Variants in FOCAD observed in about 807,000 individuals in gnomAD.
FOCAD encodes KIAA1797.
FOCAD carries 198 observed loss-of-function variants against 225.6 expected under a neutral mutation model. The ratio of observed to expected loss-of-function variants is 0.88; its 90% CI spans 0.78 to 0.99. The LOEUF (loss-of-function observed/expected upper bound fraction) is 0.99. Among genes scored for constraint, FOCAD ranks in the 50% least tolerant of loss-of-function variants. The pLI, the probability that FOCAD is intolerant of heterozygous loss-of-function variation, is 0.00. For missense variants in FOCAD, 2,713 were observed against 2,123.6 expected, an observed-to-expected ratio of 1.28 and a Z score of -5.46; for synonymous variants, 897 against 755.0, an observed-to-expected ratio of 1.19 and a Z score of -3.08.
At chr9:20,713,679 A>G (rs565576895) in intron 1 of FOCAD, among the ~76,000 whole-genome samples, 1 of 152,364 alleles carries the variant, frequency 6.6e-6, no homozygotes, top group African/African-American at 2.4e-5. Context: ...TGTGCTGGAC[A>G]CACAATAGGC....
intron 4 of FOCAD, among the ~76,000 whole-genome samples, chr9:20,727,712 G>C (rs988321486): frequency 1.3e-5 from 2 of 152,126 alleles, no homozygotes; most frequent in Admixed American, 1.3e-4. Flanking sequence ...CTTGTTTGCT[G>C]ATGACTTACT....
At chr9:20,959,773 C>T (rs1441978875) in intron 35 of FOCAD, among the ~76,000 whole-genome samples, 6 of 152,124 alleles carry the variant, frequency 3.9e-5, no homozygotes, top group Non-Finnish European at 5.9e-5. Flanking sequence ...TTCCTAGCAT[C>T]ATATATTGAA....
intron 34 of FOCAD, 46 bp downstream of exon 34, chr9:20,951,144 C>A: frequency 7.0e-7 from 1 of 1,422,602 alleles, no homozygotes; most frequent in Non-Finnish European, 9.9e-7. Flanking sequence ...GGAGGGATTG[C>A]CGACCCAGCG....
At chr9:20,794,533 C>T (rs1039525509) in intron 11 of FOCAD, among the ~76,000 whole-genome samples, 5 of 152,130 alleles carry the variant, frequency 3.3e-5, no homozygotes, top group Non-Finnish European at 4.4e-5. Flanking sequence ...ACTTAAAACA[C>T]ACCAGAAAAC....
At position 20,819,841 on chromosome 9, in the gene FOCAD, C is replaced by G. The variant is rs1824126627; in HGVS notation, c.1501C>G (p.Leu501Val). Residue 501 changes from leucine to valine, a missense_variant, in exon 12 of 44, where the codon CTG becomes GTG. By Grantham distance (32) the Leu-to-Val change is conservative. Coordinates refer to ENST00000338382, the MANE Select transcript of FOCAD (RefSeq NM_001375567.1). ...TTTGATGTTCAAATTGGGAAGACCA[C>G]TGGAACCTATATTATATAATGATAT... Reference protein sequence around the residue: ...PVLMFKLGRPLEPILYNDILY... With the variant: ...PVLMFKLGRPVEPILYNDILY... The G allele has an allele frequency of 1.9e-6, 3 of 1,544,492 alleles. No homozygotes were observed. The highest frequency in any genetic ancestry group is 2.6e-6 in the Non-Finnish European group (3 of 1,147,826).
chr9:20,963,065 C>CA (rs1321016263), intron 35 of FOCAD, among the ~76,000 whole-genome samples: 4 of 152,112 alleles, frequency 2.6e-5, no homozygotes, highest in African/African-American at 9.7e-5. Flanking sequence ...TCTCAATTTC[C>CA]AACAGCTACT....
chr9:20,988,197 A>T, intron 40 of FOCAD, 135 bp from the exon 41 acceptor site: 1 of 491,830 alleles, frequency 2.0e-6, no homozygotes, highest in Non-Finnish European at 3.7e-6. Flanking sequence ...AGTCTCGGGT[A>T]TTGCAAGGGA....
Position 20,740,407 on chromosome 9 carries a change from T to A in FOCAD, c.392+67T>A, listed in dbSNP as rs1303775728. ...TTTAATGAAATTATTAACTGTGACA[T>A]GATAATCCAGTAAGAATTAGTTATT... On this transcript the variant is annotated intron_variant, in intron 5 of 43. Transcript: ENST00000338382. The A allele has an allele frequency of 3.4e-6, 3 of 893,118 alleles. No individual in the cohort carries two copies. The East Asian group carries it at 7.7e-5, about 23-fold the overall frequency. The allele number at this position is 893,118 out of a possible 1,614,324, so 55.3% of individuals were successfully genotyped here. A position where few individuals can be genotyped will look rare whatever the true frequency, so the allele number is the denominator to read the frequency against.
At chr9:20,746,636 A>G (rs1327272591) in intron 5 of FOCAD, among the ~76,000 whole-genome samples, 1 of 152,210 alleles carries the variant, frequency 6.6e-6, no homozygotes, top group Non-Finnish European at 1.5e-5. Flanking sequence ...GTAGATTGGA[A>G]ACATTCAAGA....
intron 37 of FOCAD, among the ~76,000 whole-genome samples, chr9:20,981,199 A>G (rs531621341): frequency 5.7e-4 from 87 of 152,346 alleles, no homozygotes; most frequent in African/African-American, 2.1e-3. Context: ...GGCAGATCCC[A>G]TATAAACACA....
chr9:20,719,780 T>C (rs972571531), intron 3 of FOCAD, among the ~76,000 whole-genome samples: 2 of 111,898 alleles, frequency 1.8e-5, no homozygotes, highest in Admixed American at 8.5e-5. Flanking sequence ...TTCCTAGGCT[T>C]TTTTTTTTTT....
chr9:20,940,756 A>G (rs184646413), intron 28 of FOCAD, among the ~76,000 whole-genome samples: 1,576 of 152,336 alleles, frequency 0.01, 10 homozygotes, highest in Middle Eastern at 0.024. Flanking sequence ...TGTGAGTCTC[A>G]GATAGGAGGC....
At chr9:20,889,209 A>G (rs1456076397) in intron 21 of FOCAD, among the ~76,000 whole-genome samples, 24 of 152,214 alleles carry the variant, frequency 1.6e-4, no homozygotes, top group Non-Finnish European at 1.5e-5. Context: ...TGGACATTTC[A>G]TATAAATACC....
At chr9:20,980,282 G>A (rs572745128) in intron 37 of FOCAD, among the ~76,000 whole-genome samples, 2 of 152,238 alleles carry the variant, frequency 1.3e-5, no homozygotes, top group East Asian at 3.9e-4. Flanking sequence ...TGGAGGTCAA[G>A]CAAAGTTTGC....
chr9:20,794,194 T>C (rs184304970), intron 11 of FOCAD, among the ~76,000 whole-genome samples: 88 of 152,284 alleles, frequency 5.8e-4, no homozygotes, highest in African/African-American at 1.9e-3. Context: ...CATCTGTCTC[T>C]AGAAGTAACA....
chr9:20,853,983 T>C (rs1827922257), intron 15 of FOCAD, among the ~76,000 whole-genome samples: 1 of 151,802 alleles, frequency 6.6e-6, no homozygotes. Flanking sequence ...TTATGAATTG[T>C]GTGTGCTGAA....
intron 42 of FOCAD, 81 bp downstream of exon 42, chr9:20,990,455 G>C: frequency 6.7e-7 from 1 of 1,495,234 alleles, no homozygotes; most frequent in Non-Finnish European, 9.1e-7. Flanking sequence ...TGAGGTGGGA[G>C]TTAAGTGCGT....
chr9:20,931,849 T>A (rs1227681984), intron 27 of FOCAD, among the ~76,000 whole-genome samples: 5 of 147,962 alleles, frequency 3.4e-5, no homozygotes, highest in African/African-American at 1.3e-4. Flanking sequence ...AGTGAGCTGA[T>A]GTTGTGCCAC....
intron 6 of FOCAD, among the ~76,000 whole-genome samples, chr9:20,764,357 G>A (rs1366444109): frequency 2.0e-5 from 3 of 152,128 alleles, no homozygotes; most frequent in African/African-American, 7.2e-5. Flanking sequence ...GGGTTCAGGC[G>A]ATTCTCCTGC....
Sources: allele counts gnomAD v4.1 joint callset (sites outside exome capture counted in the v4.1 genomes callset), GRCh38; gene constraint gnomAD v4.1.1; transcripts MANE v1.5; gene names NCBI Gene and HGNC (gene_info 2026-07-23, HGNC 2026-07-21).